DLGAP2: variants seen among roughly 807,000 people sequenced by gnomAD.
DLGAP2 encodes disks large-associated protein 2.
A neutral mutation model predicts 100.3 loss-of-function variants in DLGAP2; 26 were observed. The ratio of observed to expected loss-of-function variants is 0.26; its 90% CI spans 0.19 to 0.36. DLGAP2 has a LOEUF of 0.36. DLGAP2 is among the 10% of genes least tolerant of loss of function. DLGAP2 has a pLI of 1.00. For missense variants in DLGAP2, 1,858 were observed against 1,453.2 expected (o/e 1.28, Z -4.53); for synonymous variants, 886 against 630.1 (o/e 1.41, Z -6.08).
At chr8:1,140,674 T>G (rs1796505864) in intron 2 of DLGAP2, among the ~76,000 whole-genome samples, 2 of 152,202 alleles carry the variant, frequency 1.3e-5, no homozygotes, top group African/African-American at 4.8e-5. Flanking sequence ...CTTGTTCTTT[T>G]TAAATTCCCT....
chr8:1,235,479 G>C (rs1488336746), intron 2 of DLGAP2, among the ~76,000 whole-genome samples: 4 of 149,624 alleles, frequency 2.7e-5, no homozygotes, highest in African/African-American at 4.9e-5. Context: ...GCCGTGTCTA[G>C]TTCTCTATCA....
rs181201587 is a variant in DLGAP2 at position 1,308,633 on chromosome 8, C to T, written c.106+49750C>T. Among the ~76,000 whole-genome samples the T allele has an allele frequency of 2.9e-3, 438 of 152,292 alleles. 2 individuals carry two copies. The highest frequency in any genetic ancestry group is 9.7e-3 in the African/African-American group (403 of 41,560). Reference sequence around the variant, plus strand: ...CTCAACCTCCTGGGTTCAAGTGATTCTCCTGCCTCAGCCTCCTGACTAGTT... The same window carrying T: ...CTCAACCTCCTGGGTTCAAGTGATTTTCCTGCCTCAGCCTCCTGACTAGTT... On this transcript the variant is annotated intron_variant, in intron 3 of 14. Coordinates refer to ENST00000637795, the MANE Select transcript of DLGAP2 (RefSeq NM_001346810.2).
chr8:1,061,700 G>C (rs557917762), intron 2 of DLGAP2, among the ~76,000 whole-genome samples: 19 of 150,886 alleles, frequency 1.3e-4, no homozygotes, highest in East Asian at 9.9e-4. Context: ...GGCACGTTGT[G>C]CTACAGAATC....
chr8:1,602,881 TG>T (rs1317375962), intron 6 of DLGAP2, among the ~76,000 whole-genome samples: 1 of 152,072 alleles, frequency 6.6e-6, no homozygotes, highest in Non-Finnish European at 1.5e-5. Context: ...TAATAAAAAG[TG>T]AAGTGTGTAG....
chr8:762,679 A>G (rs1821115957), intron 1 of DLGAP2, among the ~76,000 whole-genome samples: 2 of 151,968 alleles, frequency 1.3e-5, no homozygotes, highest in African/African-American at 4.8e-5. Flanking sequence ...AGTTTGGTTG[A>G]TTGATTGAAG....
At chr8:1,245,801 A>G (rs898701925) in intron 2 of DLGAP2, among the ~76,000 whole-genome samples, 2 of 152,168 alleles carry the variant, frequency 1.3e-5, no homozygotes, top group African/African-American at 4.8e-5. Context: ...TTTCCAGGAA[A>G]AAAAGGGCAG....
intron 3 of DLGAP2, among the ~76,000 whole-genome samples, chr8:1,285,627 A>T (rs1281025611): frequency 6.6e-6 from 1 of 152,098 alleles, no homozygotes; most frequent in Admixed American, 6.6e-5. Flanking sequence ...TTCAGAGGGG[A>T]AAAAAAGCTT....
rs556282990 is a variant in DLGAP2 at position 1,500,376 on chromosome 8, G to A, written c.107-990G>A. ...GAGTCGGCACCTGGTTTCCTGGGCA[G>A]AGCCTCCCTGAGATCCAGCTGTGTC... On this transcript the variant is annotated intron_variant, in intron 3 of 14. Transcript: ENST00000637795. Among the ~76,000 whole-genome samples, 49 of 152,078 alleles carry A rather than the reference G, an allele frequency of 3.2e-4. 1 individual carries two copies. The highest frequency in any genetic ancestry group is 1.2e-3 in the South Asian group (6 of 4,802).
intron 6 of DLGAP2, among the ~76,000 whole-genome samples, chr8:1,613,976 G>T (rs1797067062): frequency 6.6e-6 from 1 of 152,150 alleles, no homozygotes; most frequent in Non-Finnish European, 1.5e-5. Flanking sequence ...GAACAGTAAG[G>T]CCAGGCTTTG....
intron 3 of DLGAP2, among the ~76,000 whole-genome samples, chr8:1,444,016 T>C (rs965624078): frequency 6.6e-6 from 1 of 152,206 alleles, no homozygotes; most frequent in East Asian, 1.9e-4. Flanking sequence ...AGTTTTCCAG[T>C]GTTCATGATC....
intron 2 of DLGAP2, among the ~76,000 whole-genome samples, chr8:1,242,879 G>C (rs1337805806): frequency 6.6e-6 from 1 of 151,856 alleles, no homozygotes; most frequent in Non-Finnish European, 1.5e-5. Context: ...TGGATGGTCA[G>C]ACAGACAGGT....
chr8:943,461 G>A (rs1021919397), intron 2 of DLGAP2, among the ~76,000 whole-genome samples: 6 of 152,268 alleles, frequency 3.9e-5, no homozygotes, highest in Admixed American at 6.5e-5. Flanking sequence ...GTAGAGCTCC[G>A]GTGTGTGGAC....
chr8:904,597 G>A (rs529730094), intron 1 of DLGAP2, among the ~76,000 whole-genome samples: 3 of 152,310 alleles, frequency 2.0e-5, no homozygotes, highest in African/African-American at 7.2e-5. Context: ...TCCACGTTCT[G>A]TGATTCTGCT....
chr8:1,322,138 AT>A (rs1202855119), intron 3 of DLGAP2, among the ~76,000 whole-genome samples: 2 of 152,146 alleles, frequency 1.3e-5, no homozygotes, highest in African/African-American at 4.8e-5. Context: ...GTGAATACCT[AT>A]TTTTTTCTAG....
rs185022647 is a variant in DLGAP2, at chr8:811,499, C to T, written c.18+73674C>T. Among the ~76,000 whole-genome samples, 247 of 148,318 alleles carry T rather than the reference C, an allele frequency of 1.7e-3. 1 individual carries two copies. The highest frequency in any genetic ancestry group is 4.3e-3 in the Admixed American group (64 of 15,010). ...CTGGGGGCTCAGCCAGGGCTCCTGCCGTGGTGAGAGGCCACCAGCTTTCGG... is the reference window on the plus strand; with the variant it reads ...CTGGGGGCTCAGCCAGGGCTCCTGCTGTGGTGAGAGGCCACCAGCTTTCGG... On this transcript the variant is annotated intron_variant, in intron 1 of 14. Coordinates refer to ENST00000637795, the MANE Select transcript of DLGAP2 (RefSeq NM_001346810.2).
intron 3 of DLGAP2, among the ~76,000 whole-genome samples, chr8:1,420,936 AT>A (rs1797072176): frequency 6.6e-6 from 1 of 151,904 alleles, no homozygotes. Flanking sequence ...TAATCATTCG[AT>A]TGGCTGTTTT....
chr8:1,603,959 C>T (rs1411004037), intron 6 of DLGAP2, among the ~76,000 whole-genome samples: 2 of 152,126 alleles, frequency 1.3e-5, no homozygotes, highest in African/African-American at 4.8e-5. Flanking sequence ...CTCCAACCCC[C>T]ACCTCCCCAC....
chr8:1,220,179 A>G (rs1021543993), intron 2 of DLGAP2, among the ~76,000 whole-genome samples: 1 of 152,034 alleles, frequency 6.6e-6, no homozygotes, highest in Non-Finnish European at 1.5e-5. Flanking sequence ...TTGGTTTTCT[A>G]GTTTCTTTAG....
At chr8:1,691,814 C>G (rs1799269008) in intron 13 of DLGAP2, among the ~76,000 whole-genome samples, 188 bp downstream of exon 13, 1 of 151,670 alleles carries the variant, frequency 6.6e-6, no homozygotes, top group Admixed American at 6.6e-5. Flanking sequence ...AAACGCGGTA[C>G]CGAGGCAGGG....
Sources: allele counts gnomAD v4.1 joint callset (sites outside exome capture counted in the v4.1 genomes callset), GRCh38; gene constraint gnomAD v4.1.1; transcripts MANE v1.5; gene names NCBI Gene and HGNC (gene_info 2026-07-23, HGNC 2026-07-21).